The following NCOA1 variants were observed in gnomAD, a reference collection of about 807,000 sequenced individuals.
The protein encoded by NCOA1 is Hin-2 protein.
A neutral mutation model predicts 150.9 loss-of-function variants in NCOA1; 35 were observed. The observed-to-expected ratio is 0.23, with a 90% CI of 0.18 to 0.31. The LOEUF is 0.31. Among genes scored for constraint, NCOA1 ranks in the 10% least tolerant of loss-of-function variants. The pLI, the probability that NCOA1 is intolerant of heterozygous loss-of-function variation, is 1.00. For synonymous variants in NCOA1, 590 were observed against 630.0 expected (o/e 0.94, Z 0.95); for missense variants, 1,491 against 1,749.3 (o/e 0.85, Z 2.63).
At chr2:24,614,960 A>T (rs577277066) in intron 3 of NCOA1, among the ~76,000 whole-genome samples, 190 of 152,336 alleles carry the variant, frequency 1.2e-3, no homozygotes, top group African/African-American at 2.9e-3. Flanking sequence ...TACCACTTGT[A>T]TTCCCATTTT....
At chr2:24,659,367 G>A (rs1431982845) in intron 5 of NCOA1, among the ~76,000 whole-genome samples, 1 of 152,152 alleles carries the variant, frequency 6.6e-6, no homozygotes, top group South Asian at 2.1e-4. Context: ...AAAAATGATT[G>A]TGTAGTTAAA....
chr2:24,547,607 G>T (rs1349192840), intron 1 of NCOA1, among the ~76,000 whole-genome samples: 1 of 152,156 alleles, frequency 6.6e-6, no homozygotes, highest in Non-Finnish European at 1.5e-5. Flanking sequence ...CAGAGATACA[G>T]CATTGTATGG....
intron 1 of NCOA1, among the ~76,000 whole-genome samples, chr2:24,558,529 G>A (rs925988465): frequency 1.6e-4 from 24 of 152,250 alleles, no homozygotes; most frequent in African/African-American, 4.8e-4. Context: ...TCACTATCAC[G>A]AGAATAGCAC....
chr2:24,745,717 G>A (rs910428346), intron 19 of NCOA1, among the ~76,000 whole-genome samples: 14 of 152,054 alleles, frequency 9.2e-5, no homozygotes, highest in Admixed American at 6.6e-5. Flanking sequence ...GCTGCCTACT[G>A]GAAACATATA....
chr2:24,713,482 C>A (rs1007058645), intron 14 of NCOA1, among the ~76,000 whole-genome samples: 5 of 152,072 alleles, frequency 3.3e-5, no homozygotes, highest in African/African-American at 1.2e-4. Flanking sequence ...GAAGTTAATT[C>A]CATACAGTGA....
At chr2:24,696,377 A>G (rs1390276511) in intron 10 of NCOA1, among the ~76,000 whole-genome samples, 1 of 152,184 alleles carries the variant, frequency 6.6e-6, no homozygotes, top group Non-Finnish European at 1.5e-5. Context: ...AGGCATTCAT[A>G]GAAGAGGAAA....
chr2:24,755,234 A>G (rs989815739), intron 20 of NCOA1, among the ~76,000 whole-genome samples: 13 of 152,268 alleles, frequency 8.5e-5, no homozygotes, highest in African/African-American at 3.1e-4. Flanking sequence ...GTTCAGAGGT[A>G]GTGTAACATG....
intron 7 of NCOA1, among the ~76,000 whole-genome samples, chr2:24,679,775 T>C (rs1419920159): frequency 6.6e-6 from 1 of 152,026 alleles, no homozygotes; most frequent in Non-Finnish European, 1.5e-5. Context: ...AAAGAGTTTA[T>C]CTAGTGTTGA....
At chr2:24,736,728 G>T (rs1445385479) in intron 17 of NCOA1, among the ~76,000 whole-genome samples, 1 of 152,130 alleles carries the variant, frequency 6.6e-6, no homozygotes, top group Non-Finnish European at 1.5e-5. Context: ...TTGTTATGGG[G>T]GAGATGTTGT....
At chr2:24,639,916 GTATATATATATATATATA>G (rs67632791) in intron 3 of NCOA1, among the ~76,000 whole-genome samples, 580 of 29,736 alleles carry the variant, frequency 0.02, 51 homozygotes, top group Middle Eastern at 0.05. Flanking sequence ...ATGTGTGTGT[GTATATATATATATATATA>G]TATATATATA....
chr2:24,521,535 A>G (rs564031108), intron 1 of NCOA1, among the ~76,000 whole-genome samples: 20 of 152,284 alleles, frequency 1.3e-4, no homozygotes, highest in East Asian at 3.8e-4. Context: ...AAGTCCTCCA[A>G]GTTCATCCAT....
At chr2:24,670,531 T>C (rs575432003) in intron 6 of NCOA1, among the ~76,000 whole-genome samples, 1 of 152,312 alleles carries the variant, frequency 6.6e-6, no homozygotes, top group Admixed American at 6.5e-5. Context: ...TCAACATGGT[T>C]GAACCCTGAA....
intron 8 of NCOA1, among the ~76,000 whole-genome samples, chr2:24,687,787 A>C (rs1191203320): frequency 6.6e-6 from 1 of 152,096 alleles, no homozygotes; most frequent in Non-Finnish European, 1.5e-5. Context: ...CCCTCCCTCG[A>C]CATGTGGGGA....
intron 3 of NCOA1, among the ~76,000 whole-genome samples, chr2:24,618,562 G>A (rs564270663): frequency 1.3e-5 from 2 of 152,166 alleles, no homozygotes; most frequent in African/African-American, 4.8e-5. Context: ...CCAGAGCATG[G>A]ATAGTTATGC....
intron 3 of NCOA1, among the ~76,000 whole-genome samples, chr2:24,591,642 T>A (rs976543777): frequency 6.6e-6 from 1 of 152,150 alleles, no homozygotes; most frequent in African/African-American, 2.4e-5. Flanking sequence ...TCAATCCCTC[T>A]AATATGCCAA....
At chr2:24,534,988 A>G (rs1018667724) in intron 1 of NCOA1, among the ~76,000 whole-genome samples, 4 of 152,174 alleles carry the variant, frequency 2.6e-5, no homozygotes, top group African/African-American at 9.7e-5. Flanking sequence ...AGCTGCGTTC[A>G]AGACCTGGAT....
chr2:24,728,560 A>G (rs1662818051), intron 16 of NCOA1, 84 bp downstream of exon 16: 7 of 1,185,126 alleles, frequency 5.9e-6, no homozygotes, highest in African/African-American at 1.6e-5. Context: ...AAAGTATTGT[A>G]CCCACTATGC....
intron 2 of NCOA1, among the ~76,000 whole-genome samples, chr2:24,567,279 C>T (rs1982256): frequency 0.046 from 6,953 of 152,170 alleles, 250 homozygotes; most frequent in East Asian, 0.19. Context: ...TTCTTGTTGG[C>T]GTTTGAACTC....
intron 17 of NCOA1, among the ~76,000 whole-genome samples, chr2:24,734,610 C>A (rs963887660): frequency 3.9e-5 from 6 of 152,000 alleles, no homozygotes; most frequent in Admixed American, 3.9e-4. Flanking sequence ...GCCTGGGCAA[C>A]ATAGCAAGAC....
Sources: allele counts gnomAD v4.1 joint callset (sites outside exome capture counted in the v4.1 genomes callset), GRCh38; gene constraint gnomAD v4.1.1; transcripts MANE v1.5; gene names NCBI Gene and HGNC (gene_info 2026-07-23, HGNC 2026-07-21).